OBSL1: variants seen among roughly 807,000 people sequenced by gnomAD.
The protein encoded by OBSL1 is obscurin-like protein 1.
Under a neutral mutation model 172.0 loss-of-function variants are expected in OBSL1, and 160 were observed. The observed-to-expected ratio is 0.93, with a 90% CI of 0.82 to 1.06. The LOEUF (loss-of-function observed/expected upper bound fraction) is 1.06, where lower values mean the gene tolerates loss of function less well. Ranked by LOEUF, OBSL1 falls within the 50% of genes least tolerant of loss-of-function variation. The pLI is 0.00. For missense variants in OBSL1, 2,681 were observed against 2,715.4 expected (o/e 0.99, Z 0.28); for synonymous variants, 1,200 against 1,196.3 (o/e 1.00, Z -0.06).
Position 219,570,571 on chromosome 2 carries a change from C to G in OBSL1, c.662G>C (p.Gly221Ala). ...ARNAHGHAQAGALLQVHQPPE... is the reference protein window; with the variant it reads ...ARNAHGHAQAAALLQVHQPPE... ...GGGCTGGTGCACCTGGAGCAGCGCC[C>G]CCGCCTGCGCGTGGCCGTGCGCGTT... Residue 221 changes from glycine (G) to alanine (A), a missense_variant, in exon 1 of 21, where the codon GGG becomes GCG. By Grantham distance (60) the Gly-to-Ala change is moderately conservative. Transcript: ENST00000404537. 1 of 1,548,364 alleles carries G rather than the reference C, an allele frequency of 6.5e-7. No homozygotes were observed. Among genetic ancestry groups the G allele is most frequent in the Non-Finnish European group, 8.7e-7 (1 of 1,149,120 alleles).
Position 219,551,257 on chromosome 2 carries a change from AT to A in OBSL1, c.5683+271del. 4.3e-6 allele frequency: 6 copies of A among 1,397,396 alleles called. No homozygotes were observed. The South Asian group carries it at 1.0e-4, about 24-fold the overall frequency. The allele number at this position is 1,397,396 out of a possible 1,614,324, so 86.6% of individuals were successfully genotyped here. A position where few individuals can be genotyped will look rare whatever the true frequency, so the allele number is the denominator to read the frequency against. ...ACAGGGCTGTTCAAGAGAGACAAAC[AT>A]GGTCCAGTGGCAGGAGAGAGGAGAA... On this transcript the variant is annotated intron_variant, in intron 20 of 20. Transcript: ENST00000404537.
At position 219,562,527 on chromosome 2, in the gene OBSL1, G is replaced by A. The variant is rs762182409; in HGVS notation, c.2828C>T (p.Ala943Val). Residue 943 changes from alanine (A) to valine (V), a missense_variant, in exon 8 of 21, where the codon GCG becomes GTG. This residue lies in a region of OBSL1 where 1,765 missense variants were observed against 1,748.3 expected (regional missense o/e 1.01). Coordinates refer to ENST00000404537, the MANE Select transcript of OBSL1 (RefSeq NM_015311.3). ...KDGEEVVESPALLLQKEDTVR... is the reference protein window; with the variant it reads ...KDGEEVVESPVLLLQKEDTVR... ...AGTGTCTTCCTTCTGCAGGAGCAGC[G>A]CGGGGCTCTCCACCACCTCCTCTCC... The A allele has an allele frequency of 9.3e-6, 15 of 1,613,826 alleles. No individual in the cohort carries two copies. Among genetic ancestry groups the A allele is most frequent in the East Asian group, 2.2e-5 (1 of 44,904 alleles).
chr2:219,550,846 C>A lies in OBSL1; in HGVS notation c.5684-4G>T. On this transcript the variant is annotated splice_region_variant and splice_polypyrimidine_tract_variant and intron_variant, in intron 20 of 20. Coordinates refer to ENST00000404537, the MANE Select transcript of OBSL1 (RefSeq NM_015311.3). ...CTGGTTAGGTTCTCCTAGTTGCCTG[C>A]AGAGGAATGACTCCACATGGGGCTG... The A allele has an allele frequency of 6.2e-7, 1 of 1,609,938 alleles. No homozygotes were observed. The highest frequency in any genetic ancestry group is 1.1e-5 in the South Asian group (1 of 90,348).
At chr2:219,548,109 T>A, downstream of OBSL1, 4 of 1,488,004 alleles carry the variant, frequency 2.7e-6, no homozygotes, top group Middle Eastern at 2.3e-4. Context: ...AAGGTGGACA[T>A]GAGAGGAGTG....
At chr2:219,562,994 G>A in intron 7 of OBSL1, 1 of 480,448 alleles carries the variant, frequency 2.1e-6, no homozygotes, top group Non-Finnish European at 3.7e-6. Context: ...GGAGGGTTGG[G>A]GGGAGGAGCT....
intron 11 of OBSL1, 50 bp downstream of exon 11, chr2:219,557,773 A>G: frequency 6.4e-7 from 1 of 1,560,568 alleles, no homozygotes; most frequent in Non-Finnish European, 8.6e-7. Context: ...TTGGGGTGCC[A>G]CTCTCAGGCT....
At chr2:219,548,492 T>C (rs1169628565), downstream of OBSL1, among the ~76,000 whole-genome samples, 1 of 151,998 alleles carries the variant, frequency 6.6e-6, no homozygotes, top group African/African-American at 2.4e-5. Flanking sequence ...GAAGGCTGCT[T>C]GAAGGAGGTG....
chr2:219,571,416 T>G lies in OBSL1; in HGVS notation c.-184A>C. The G allele has an allele frequency of 2.9e-6, 1 of 347,308 alleles. No homozygotes were observed. The allele number at this position is 347,308 out of a possible 1,614,324, so 21.5% of individuals were successfully genotyped here. On this transcript the variant is annotated 5_prime_UTR_variant, in exon 1 of 21. Coordinates refer to ENST00000404537, the MANE Select transcript of OBSL1 (RefSeq NM_015311.3). ...TACCCTCGGCCCCGAGCTGCAGCTCTGCGGCGGCGGCGGCGGCGATTCCCG... is the reference window on the plus strand; with the variant it reads ...TACCCTCGGCCCCGAGCTGCAGCTCGGCGGCGGCGGCGGCGGCGATTCCCG...
downstream of OBSL1, chr2:219,549,573 A>G: frequency 1.5e-6 from 2 of 1,329,426 alleles, no homozygotes; most frequent in East Asian, 4.8e-5. Context: ...TAAGTGGGAT[A>G]TGGTATGTGG....
rs1696003749 is a variant in OBSL1, at chr2:219,556,349, T to C, written c.4337-57A>G. 2.5e-5 allele frequency: 40 copies of C among 1,571,626 alleles called. No homozygotes were observed. The South Asian group carries it at 4.6e-4, about 18-fold the overall frequency. ...GTGGGGTTGGAGGCTGGCCCCTTGCTCCATCCCACTGGTCTGTCCCTAGGT... is the reference window on the plus strand; with the variant it reads ...GTGGGGTTGGAGGCTGGCCCCTTGCCCCATCCCACTGGTCTGTCCCTAGGT... On this transcript the variant is annotated intron_variant, in intron 13 of 20. Coordinates refer to ENST00000404537, the MANE Select transcript of OBSL1 (RefSeq NM_015311.3).
rs372526149 is a variant in OBSL1, at chr2:219,554,489, T to C, written c.4861A>G (p.Arg1621Gly). 5.0e-6 allele frequency: 8 copies of C among 1,613,084 alleles called. No individual in the cohort carries two copies. In the African/African-American group the frequency reaches 1.1e-4, roughly 22 times the overall value. ...GAGGCCACACCTCTCACAATGAGTC[T>C]GGCTGCGCAGCGCAGGGAATCCGCT... ...FTADSLRCAA[R>G]LIVREVPVTI... The change falls in exon 15 of 21, where the codon AGA (arginine) becomes GGA (glycine). Residue 1621 changes from arginine (R) to glycine (G), a missense_variant. Transcript: ENST00000404537.
rs1696157448 is a variant in OBSL1 at position 219,557,980 on chromosome 2, C to T, written c.3633G>A (p.Arg1211=). The T allele has an allele frequency of 6.2e-7, 1 of 1,610,880 alleles. No homozygotes were observed. The highest frequency in any genetic ancestry group is 1.7e-5 in the Admixed American group (1 of 59,606). Residue 1211 remains arginine, a synonymous_variant, in exon 11 of 21, where the codon AGG becomes AGA. Transcript: ENST00000404537. ...CTAGGCCCTCGCCCTCCTGCACGGG[C>T]CTCCCATTGTGGCTCCAGACCACGG... The part of the protein sequence containing the change: ...GAPVVWSHNG[R]PVQEGEGLEL...
intron 11 of OBSL1, 37 bp downstream of exon 11, chr2:219,557,786 G>A: frequency 6.4e-7 from 1 of 1,569,460 alleles, no homozygotes; most frequent in South Asian, 1.1e-5. Flanking sequence ...CTCAGGCTTG[G>A]TGCCACTCTC....
In OBSL1 at chr2:219,552,548, T is replaced by G. The variant is rs770618881; in HGVS notation, c.5296A>C (p.Ile1766Leu). 6 of 1,596,364 alleles carry G rather than the reference T, an allele frequency of 3.8e-6. No homozygotes were observed. In the South Asian group the frequency reaches 5.5e-5, roughly 15 times the overall value. Residue 1766 changes from isoleucine (I) to leucine (L), a missense_variant, in exon 18 of 21, where the codon ATC becomes CTC. Physicochemically the swap from Ile to Leu is conservative, Grantham distance 5 (BLOSUM62 2). Transcript: ENST00000404537. ...RPLRPGARVRIRQEGKKHILV... is the reference protein window; with the variant it reads ...RPLRPGARVRLRQEGKKHILV... Reference sequence around the variant, plus strand: ...CAGGCGGGCAGACCTTCCTGTCGGATGCGGACGCGGGCTCCGGGTCTCAGC... The same window carrying G: ...CAGGCGGGCAGACCTTCCTGTCGGAGGCGGACGCGGGCTCCGGGTCTCAGC...
intron 7 of OBSL1, 21 bp from the exon 8 acceptor site, chr2:219,562,695 C>T: frequency 6.6e-7 from 1 of 1,524,868 alleles, no homozygotes. Context: ...GGGACAGCCA[C>T]TGCCGGGCAT....
At position 219,571,281 on chromosome 2, in the gene OBSL1, GGTGCGGAGGGC is replaced by G; in HGVS notation, c.-60_-50del. ...GGCGAACGGTGGGGGGGCAGGGGGG[GGTGCGGAGGGC>G]GAGCCGAGGCCCGGGGCGGCGGGGT... On this transcript the variant is annotated 5_prime_UTR_variant, in exon 1 of 21. Coordinates refer to ENST00000404537, the MANE Select transcript of OBSL1 (RefSeq NM_015311.3). The G allele has an allele frequency of 9.6e-7, 1 of 1,045,320 alleles. No individual in the cohort carries two copies. Among genetic ancestry groups the G allele is most frequent in the Non-Finnish European group, 1.2e-6 (1 of 814,432 alleles). 64.8% of individuals were successfully genotyped at this position (1,045,320 alleles called of 1,614,324 possible).
At chr2:219,552,719 G>C in intron 17 of OBSL1, 22 bp from the exon 18 acceptor site, 1 of 1,515,706 alleles carries the variant, frequency 6.6e-7, no homozygotes, top group Non-Finnish European at 8.8e-7. Context: ...CCCGGGGCGT[G>C]AGCGGGGCGG....
In OBSL1 at chr2:219,562,438, C is replaced by G; in HGVS notation, c.2917G>C (p.Asp973His). Residue 973 changes from aspartate to histidine, a missense_variant, in exon 8 of 21, where the codon GAC becomes CAC. This residue lies in a region of OBSL1 where 1,765 missense variants were observed against 1,748.3 expected (regional missense o/e 1.01). Transcript: ENST00000404537. The part of the protein sequence containing the change: ...EDSGEYLCEI[D>H]DESASFTVTV... ...ACAGTGAAGGAGGCCGACTCATCGT[C>G]AATTTCACACAAGTACTCGCCGGAG... 4 of 1,613,938 alleles carry G rather than the reference C, an allele frequency of 2.5e-6. No homozygotes were observed. The highest frequency in any genetic ancestry group is 3.4e-6 in the Non-Finnish European group (4 of 1,179,864).
intron 7 of OBSL1, 115 bp downstream of exon 7, chr2:219,563,239 CA>C (rs1696627558): frequency 9.1e-7 from 1 of 1,095,426 alleles, no homozygotes; most frequent in East Asian, 2.6e-5. Flanking sequence ...TCCGATCTGC[CA>C]GGGGGAGGGC....
Sources: gnomAD v4.1 joint callset for allele counts (sites outside exome capture counted in the v4.1 genomes callset) on GRCh38, gnomAD v4.1.1 for gene constraint, gnomAD v4.1.1 regional missense constraint, MANE v1.5 for transcripts, NCBI Gene and HGNC (gene_info 2026-07-23, HGNC 2026-07-21) for gene names.